JCAD: variants seen among roughly 807,000 people sequenced by gnomAD.
The protein encoded by JCAD is junctional cadherin 5 associated, also known as junctional cadherin 5-associated protein.
In JCAD, 40 loss-of-function variants were observed where a neutral mutation model predicts 98.0. The ratio of observed to expected loss-of-function variants is 0.41; its 90% CI spans 0.32 to 0.53. The LOEUF (loss-of-function observed/expected upper bound fraction) is 0.53, where lower values mean the gene tolerates loss of function less well. Ranked by LOEUF, JCAD falls within the 20% of genes least tolerant of loss-of-function variation. The probability of loss-of-function intolerance (pLI) is 0.31; values close to 1 mark genes in which losing one functional copy is unlikely to be tolerated. For synonymous variants in JCAD, 691 were observed against 682.3 expected, an observed-to-expected ratio of 1.01 and a Z score of -0.20; for missense variants, 1,705 against 1,738.1, an observed-to-expected ratio of 0.98 and a Z score of 0.34.
chr10:30,088,760 G>A (rs1838207864), intron 1 of JCAD, among the ~76,000 whole-genome samples: 1 of 152,058 alleles, frequency 6.6e-6, no homozygotes, highest in African/African-American at 2.4e-5. Context: ...CTGAGGTCAG[G>A]AGTTCAAGAC....
At position 30,026,584 on chromosome 10, in the gene JCAD, G is replaced by A; in HGVS notation, c.3564C>T (p.Val1188=). The change falls in exon 3 of 4, where the codon GTC becomes GTT. Residue 1188 remains valine (V), a synonymous_variant. Coordinates refer to ENST00000375377, the MANE Select transcript of JCAD (RefSeq NM_020848.4). The part of the protein sequence containing the change: ...VDGVVTSTDP[V]PEPEPSPLES... ...CCAAGGGGCTGGGCTCAGGCTCAGG[G>A]ACAGGGTCTGTGCTGGTGACAACCC... 6 of 1,614,088 alleles carry A rather than the reference G, an allele frequency of 3.7e-6. No individual in the cohort carries two copies. The highest frequency in any genetic ancestry group is 1.3e-5 in the African/African-American group (1 of 75,046).
upstream of JCAD, among the ~76,000 whole-genome samples, chr10:30,062,154 T>G (rs1210963766): frequency 6.6e-6 from 1 of 152,192 alleles, no homozygotes; most frequent in Non-Finnish European, 1.5e-5. Context: ...AAATCAAGTT[T>G]AATAAGAAAT....
chr10:30,065,622 C>A (rs1215310356), intron 2 of JCAD, among the ~76,000 whole-genome samples: 1 of 152,098 alleles, frequency 6.6e-6, no homozygotes, highest in Non-Finnish European at 1.5e-5. Flanking sequence ...CTCCCTCAGC[C>A]TCCTAAGTAA....
At chr10:30,063,838 T>C (rs942216645), upstream of JCAD, among the ~76,000 whole-genome samples, 4 of 151,974 alleles carry the variant, frequency 2.6e-5, no homozygotes, top group Admixed American at 2.6e-4. Flanking sequence ...GATGGAGTCT[T>C]GCTCTGTTGC....
chr10:30,097,686 C>T (rs1205999632), intron 1 of JCAD, among the ~76,000 whole-genome samples: 1 of 152,064 alleles, frequency 6.6e-6, no homozygotes, highest in Non-Finnish European at 1.5e-5. Context: ...ACCCAGGAGG[C>T]GGAAGTCGCA....
chr10:30,027,748 C>T lies in JCAD; in HGVS notation c.2400G>A (p.Glu800=). The change falls in exon 3 of 4, where the codon GAG becomes GAA. Residue 800 remains glutamate (E), a synonymous_variant. Transcript: ENST00000375377. ...GLGAHPGPKR[E]VVKGEPTGPC... Reference sequence around the variant, plus strand: ...GGCCCGTGGGCTCCCCCTTCACCACCTCCCGCTTAGGCCCAGGGTGGGCTC... The same window carrying T: ...GGCCCGTGGGCTCCCCCTTCACCACTTCCCGCTTAGGCCCAGGGTGGGCTC... 6.2e-7 allele frequency: 1 copy of T among 1,614,248 alleles called. No homozygotes were observed. The highest frequency in any genetic ancestry group is 8.5e-7 in the Non-Finnish European group (1 of 1,180,050).
At chr10:30,108,851 T>TAA (rs796575445) in intron 1 of JCAD, among the ~76,000 whole-genome samples, 3 of 140,540 alleles carry the variant, frequency 2.1e-5, no homozygotes, top group African/African-American at 5.2e-5. Flanking sequence ...TGCTCAAGAT[T>TAA]AAAAAAAAAA....
chr10:30,025,829 T>C (rs111288302), intron 3 of JCAD, among the ~76,000 whole-genome samples: 2,022 of 152,000 alleles, frequency 0.013, 46 homozygotes, highest in African/African-American at 0.046. Flanking sequence ...GCAGCGGAGG[T>C]TGCAGTGAGC....
At chr10:30,053,374 A>T (rs553850230) in intron 1 of JCAD, among the ~76,000 whole-genome samples, 1 of 152,186 alleles carries the variant, frequency 6.6e-6, no homozygotes, top group South Asian at 2.1e-4. Context: ...CAGCCTGGCC[A>T]ATATGGTGAA....
Position 30,029,799 on chromosome 10 carries a change from T to G in JCAD, c.349A>C (p.Arg117=). Residue 117 remains arginine (R), a synonymous_variant, in exon 3 of 4, where the codon AGA becomes CGA. Transcript: ENST00000375377. The part of the protein sequence containing the change: ...PPTGNDQAYR[R]RGRQEARSQK... ...CTCCTGGCTTCTTGCCGTCCTCTTC[T>G]CCGGTAGGCTTGGTCGTTACCAGTC... 1 of 1,614,170 alleles carries G rather than the reference T, an allele frequency of 6.2e-7. No homozygotes were observed. Among genetic ancestry groups the G allele is most frequent in the Non-Finnish European group, 8.5e-7 (1 of 1,180,032 alleles).
chr10:30,104,709 C>T (rs1326785487), intron 1 of JCAD, among the ~76,000 whole-genome samples: 3 of 152,048 alleles, frequency 2.0e-5, no homozygotes, highest in Non-Finnish European at 4.4e-5. Flanking sequence ...GCATATGTAG[C>T]CCCTGAATCT....
chr10:30,072,454 A>C (rs1257935645), intron 1 of JCAD, among the ~76,000 whole-genome samples: 1 of 152,174 alleles, frequency 6.6e-6, no homozygotes, highest in Non-Finnish European at 1.5e-5. Context: ...CATTCATCAC[A>C]CCAGATTGCA....
intron 3 of JCAD, among the ~76,000 whole-genome samples, chr10:30,018,516 G>C (rs1836587151): frequency 6.6e-6 from 1 of 152,036 alleles, no homozygotes; most frequent in Non-Finnish European, 1.5e-5. Context: ...TTCTAACACA[G>C]GTATGTACGA....
chr10:30,033,214 C>T (rs1367830166), intron 2 of JCAD, among the ~76,000 whole-genome samples: 1 of 152,204 alleles, frequency 6.6e-6, no homozygotes, highest in African/African-American at 2.4e-5. Flanking sequence ...TTACTTCTTC[C>T]AGTGTAATGA....
intron 1 of JCAD, among the ~76,000 whole-genome samples, chr10:30,072,798 C>T (rs916569063): frequency 2.0e-5 from 3 of 152,034 alleles, no homozygotes; most frequent in African/African-American, 7.2e-5. Context: ...ATTACAGGTG[C>T]CTGCCACCAC....
At chr10:30,113,530 G>A (rs1465443986) in intron 1 of JCAD, among the ~76,000 whole-genome samples, 1 of 114,072 alleles carries the variant, frequency 8.8e-6, no homozygotes, top group Non-Finnish European at 1.6e-5. Flanking sequence ...CAGCCTGGGC[G>A]ACAGAGCGAG....
intron 1 of JCAD, among the ~76,000 whole-genome samples, chr10:30,113,579 C>T (rs1368513975): frequency 1.2e-5 from 1 of 80,642 alleles, no homozygotes; most frequent in African/African-American, 6.0e-5. Context: ...AAAAAAAAAG[C>T]CTCCCAGCAG....
intron 1 of JCAD, among the ~76,000 whole-genome samples, chr10:30,088,695 C>A (rs547474382): frequency 1.3e-5 from 2 of 152,146 alleles, no homozygotes; most frequent in Non-Finnish European, 2.9e-5. Flanking sequence ...TGGCTGGGCA[C>A]GGTGGCTCAC....
chr10:30,032,914 T>A (rs556642170), intron 2 of JCAD, among the ~76,000 whole-genome samples: 1 of 152,374 alleles, frequency 6.6e-6, no homozygotes, highest in South Asian at 2.1e-4. Context: ...AGGTAGAAGC[T>A]ACTGTCAATA....
Sources: allele counts gnomAD v4.1 joint callset (sites outside exome capture counted in the v4.1 genomes callset), GRCh38; gene constraint gnomAD v4.1.1; transcripts MANE v1.5; gene names NCBI Gene and HGNC (gene_info 2026-07-23, HGNC 2026-07-21).